The following LAMA2 variants were observed in gnomAD, a reference collection of about 807,000 sequenced individuals.
LAMA2 encodes the protein laminin subunit alpha 2, also known as laminin subunit alpha-2.
LAMA2 carries 269 observed loss-of-function variants against 364.8 expected under a neutral mutation model. That is an observed-to-expected ratio of 0.74 (90% CI 0.67 to 0.82). The LOEUF is 0.82. Among genes scored for constraint, LAMA2 ranks in the 40% least tolerant of loss-of-function variants. The probability of loss-of-function intolerance (pLI) is 0.00; values close to 1 mark genes in which losing one functional copy is unlikely to be tolerated. For missense variants in LAMA2, 3,807 were observed against 3,873.2 expected (o/e 0.98, Z 0.45); for synonymous variants, 1,379 against 1,370.6 (o/e 1.01, Z -0.14).
chr6:129,056,953 G>A (rs1415599585), intron 2 of LAMA2, among the ~76,000 whole-genome samples: 1 of 149,918 alleles, frequency 6.7e-6, no homozygotes, highest in African/African-American at 2.5e-5. Flanking sequence ...GGCTGGTCTT[G>A]AACTCCTGAC....
chr6:129,348,329 G>A (rs1776671166), intron 30 of LAMA2, among the ~76,000 whole-genome samples: 1 of 152,150 alleles, frequency 6.6e-6, no homozygotes, highest in South Asian at 2.1e-4. Flanking sequence ...TGTGGGCCTG[G>A]CCTATACACC....
intron 18 of LAMA2, among the ~76,000 whole-genome samples, chr6:129,286,386 A>G (rs1363635874): frequency 6.6e-6 from 1 of 150,972 alleles, no homozygotes; most frequent in East Asian, 1.9e-4. Flanking sequence ...AGCAGAATAT[A>G]AATAGGCGCT....
At chr6:129,460,882 AG>A (rs1783219510) in intron 49 of LAMA2, among the ~76,000 whole-genome samples, 1 of 151,930 alleles carries the variant, frequency 6.6e-6, no homozygotes, top group African/African-American at 2.4e-5. Context: ...AGAGAGAAGG[AG>A]AACAAGGGGC....
intron 35 of LAMA2, 121 bp downstream of exon 35, chr6:129,383,354 T>A: frequency 1.2e-6 from 1 of 823,620 alleles, no homozygotes; most frequent in South Asian, 1.4e-5. Context: ...AGGTAGAGTT[T>A]CAAAAAGTAG....
chr6:129,258,384 C>T (rs6937209), intron 14 of LAMA2, among the ~76,000 whole-genome samples: 13,472 of 151,986 alleles, frequency 0.089, 1,956 homozygotes, highest in African/African-American at 0.31. Flanking sequence ...CAAAATGTGG[C>T]ATGTACATGC....
chr6:128,939,220 AG>A (rs1470699880), intron 1 of LAMA2, among the ~76,000 whole-genome samples: 6 of 152,156 alleles, frequency 3.9e-5, no homozygotes, highest in Non-Finnish European at 8.8e-5. Context: ...TTCATGAAAA[AG>A]GATACTCTTC....
At chr6:128,955,582 A>G (rs1781093639) in intron 1 of LAMA2, among the ~76,000 whole-genome samples, 1 of 151,944 alleles carries the variant, frequency 6.6e-6, no homozygotes, top group South Asian at 2.1e-4. Context: ...AAAAAATCAC[A>G]TTTAAGAGTT....
intron 19 of LAMA2, among the ~76,000 whole-genome samples, chr6:129,289,023 A>G (rs1001424670): frequency 6.6e-6 from 1 of 152,206 alleles, no homozygotes; most frequent in East Asian, 1.9e-4. Flanking sequence ...CCAAAGACCC[A>G]GTAGGGTACC....
At chr6:129,413,308 A>G (rs1294310078) in intron 40 of LAMA2, among the ~76,000 whole-genome samples, 1 of 152,152 alleles carries the variant, frequency 6.6e-6, no homozygotes, top group Non-Finnish European at 1.5e-5. Context: ...ATAAAGATAA[A>G]TATATCAGAA....
At position 129,481,322 on chromosome 6, in the gene LAMA2, T is replaced by G; in HGVS notation, c.7632T>G (p.Ile2544Met). 1 of 1,613,788 alleles carries G rather than the reference T, an allele frequency of 6.2e-7. No individual in the cohort carries two copies. The highest frequency in any genetic ancestry group is 8.5e-7 in the Non-Finnish European group (1 of 1,179,762). Residue 2544 changes from isoleucine to methionine, a missense_variant, in exon 55 of 65, where the codon ATT becomes ATG. Ile to Met is a conservative substitution (Grantham distance 10). Coordinates refer to ENST00000421865, the MANE Select transcript of LAMA2 (RefSeq NM_000426.4). Reference sequence around the variant, plus strand: ...TTGTGGAGCTCTCCCCTGTGCCAATTGATGTAGGAACAGAAATCAACCTGT... The same window carrying G: ...TTGTGGAGCTCTCCCCTGTGCCAATGGATGTAGGAACAGAAATCAACCTGT... ...PGFVELSPVP[I>M]DVGTEINLSF...
At position 129,492,436 on chromosome 6, in the gene LAMA2, C is replaced by T. The variant is rs1431878570; in HGVS notation, c.8197C>T (p.Pro2733Ser). 3.1e-6 allele frequency: 5 copies of T among 1,614,108 alleles called. No individual in the cohort carries two copies. Among genetic ancestry groups the T allele is most frequent in the Non-Finnish European group, 2.5e-6 (3 of 1,179,972 alleles). Residue 2733 changes from proline (P) to serine (S), a missense_variant, in exon 58 of 65, where the codon CCA (proline) becomes TCA (serine). Pro to Ser is a moderately conservative substitution (Grantham distance 74). This residue lies in a region of LAMA2 where 3,333 missense variants were observed against 3,345.7 expected (regional missense o/e 1.00). Coordinates refer to ENST00000421865, the MANE Select transcript of LAMA2 (RefSeq NM_000426.4). ...AGCTGAAATAGTTATCCAGCCTGAG[C>T]CAGTTCCCACCCCAGCCTTTCCTAC... Reference protein sequence around the residue: ...APAEIVIQPEPVPTPAFPTPT... With the variant: ...APAEIVIQPESVPTPAFPTPT...
At chr6:129,301,054 A>G (rs1471595099) in intron 22 of LAMA2, among the ~76,000 whole-genome samples, 182 bp downstream of exon 22, 1 of 152,220 alleles carries the variant, frequency 6.6e-6, no homozygotes, top group African/African-American at 2.4e-5. Flanking sequence ...ATGATGAAGT[A>G]AATATACATT....
chr6:129,193,882 G>A (rs1046988749), intron 12 of LAMA2, among the ~76,000 whole-genome samples: 9 of 152,092 alleles, frequency 5.9e-5, no homozygotes, highest in African/African-American at 2.2e-4. Flanking sequence ...GGAACTGGTG[G>A]TGTTGGCTGG....
At chr6:129,212,390 G>A (rs1401490470) in intron 12 of LAMA2, among the ~76,000 whole-genome samples, 2 of 152,188 alleles carry the variant, frequency 1.3e-5, no homozygotes, top group Non-Finnish European at 2.9e-5. Context: ...CTAGGGGCAG[G>A]AGGTAGGATG....
intron 1 of LAMA2, among the ~76,000 whole-genome samples, chr6:128,953,598 TG>T (rs1780970258): frequency 1.3e-5 from 1 of 78,044 alleles, no homozygotes; most frequent in African/African-American, 1.3e-4. Context: ...CCCATGGACT[TG>T]TGTGTGTGTG....
chr6:129,421,017 T>C (rs1378035127), intron 40 of LAMA2, among the ~76,000 whole-genome samples: 1 of 152,162 alleles, frequency 6.6e-6, no homozygotes, highest in Non-Finnish European at 1.5e-5. Flanking sequence ...ATAAAAAGTT[T>C]TGTTGGGTAA....
intron 40 of LAMA2, among the ~76,000 whole-genome samples, chr6:129,405,521 G>A (rs556460846): frequency 4.3e-4 from 66 of 152,220 alleles, no homozygotes; most frequent in Admixed American, 3.7e-3. Flanking sequence ...CACCATGTCT[G>A]CTGTTATCAT....
At position 129,315,663 on chromosome 6, in the gene LAMA2, C is replaced by G. The variant is rs1583476577; in HGVS notation, c.3735+8C>G. On this transcript the variant is annotated splice_region_variant and intron_variant, in intron 25 of 64. Transcript: ENST00000421865. ...CAATTTGAAGGAAAGAAGGTAAGCA[C>G]AAGAACTTTAATGTCAAGTGAGAAC... The G allele has an allele frequency of 1.2e-6, 2 of 1,613,762 alleles. No homozygotes were observed. Among genetic ancestry groups the G allele is most frequent in the Non-Finnish European group, 1.7e-6 (2 of 1,179,632 alleles).
chr6:128,968,581 T>G (rs1444289974), intron 1 of LAMA2, among the ~76,000 whole-genome samples: 2 of 152,106 alleles, frequency 1.3e-5, no homozygotes, highest in African/African-American at 4.8e-5. Context: ...AGTGTTGGGT[T>G]GGTTAGAGCC....
Sources: gnomAD v4.1 joint callset for allele counts (sites outside exome capture counted in the v4.1 genomes callset) on GRCh38, gnomAD v4.1.1 for gene constraint, gnomAD v4.1.1 regional missense constraint, MANE v1.5 for transcripts, NCBI Gene and HGNC (gene_info 2026-07-23, HGNC 2026-07-21) for gene names.